Variants in CHN2 observed in about 807,000 individuals in gnomAD.
CHN2 encodes beta-chimaerin.
A neutral mutation model predicts 56.3 loss-of-function variants in CHN2; 35 were observed. The observed-to-expected ratio is 0.62, with a 90% CI of 0.47 to 0.82. The LOEUF is 0.82. CHN2 is among the 40% of genes least tolerant of loss of function. The pLI is 0.00. For synonymous variants in CHN2, 210 were observed against 212.8 expected (o/e 0.99, Z 0.12); for missense variants, 491 against 580.5 (o/e 0.85, Z 1.58).
chr7:29,346,132 G>A (rs1006715813), intron 1 of CHN2, among the ~76,000 whole-genome samples: 2 of 152,140 alleles, frequency 1.3e-5, no homozygotes, highest in Non-Finnish European at 2.9e-5. Context: ...GTGTTTTGCA[G>A]CAGTCAGGAT....
intron 1 of CHN2, among the ~76,000 whole-genome samples, chr7:29,263,386 A>G (rs954636830): frequency 1.0e-4 from 15 of 150,624 alleles, no homozygotes; most frequent in Non-Finnish European, 1.6e-4. Context: ...TACAACCTCC[A>G]CCTCCCAGCC....
chr7:29,371,551 A>G (rs1469648912), intron 3 of CHN2, among the ~76,000 whole-genome samples: 1 of 152,188 alleles, frequency 6.6e-6, no homozygotes, highest in Admixed American at 6.5e-5. Flanking sequence ...TTTATTAGTT[A>G]CCAAATGTGT....
chr7:29,458,129 C>T (rs1023565124), intron 6 of CHN2, among the ~76,000 whole-genome samples: 1 of 152,184 alleles, frequency 6.6e-6, no homozygotes, highest in Non-Finnish European at 1.5e-5. Flanking sequence ...TATAGTTTTT[C>T]ATTCCTGCTT....
upstream of CHN2, chr7:29,191,470 C>T (rs1029768264): frequency 1.3e-5 from 2 of 152,136 alleles, no homozygotes; most frequent in Non-Finnish European, 2.9e-5. Context: ...TGCTGCTAGC[C>T]CCAAGGGCAT....
chr7:29,234,768 G>A (rs534770942), intron 1 of CHN2, among the ~76,000 whole-genome samples: 3 of 152,308 alleles, frequency 2.0e-5, no homozygotes, highest in African/African-American at 7.2e-5. Context: ...GAAAGATTTT[G>A]CATCATTAGA....
chr7:29,238,352 T>A (rs1787367687), intron 1 of CHN2, among the ~76,000 whole-genome samples: 1 of 152,218 alleles, frequency 6.6e-6, no homozygotes, highest in African/African-American at 2.4e-5. Context: ...ACTTCGGGTC[T>A]GTTATGTGTA....
chr7:29,259,707 T>C (rs1183125246), intron 1 of CHN2, among the ~76,000 whole-genome samples: 1 of 152,036 alleles, frequency 6.6e-6, no homozygotes. Context: ...GAGTAGATCT[T>C]AAGTGGCCTC....
At chr7:29,194,543 G>A (rs866736279), upstream of CHN2, 1 of 187,118 alleles carries the variant, frequency 5.3e-6, no homozygotes, top group South Asian at 1.8e-4. Flanking sequence ...CCCAGGAGAG[G>A]GTGCGGGAGC....
intron 1 of CHN2, among the ~76,000 whole-genome samples, chr7:29,232,764 A>G (rs1786821906): frequency 6.6e-6 from 1 of 152,206 alleles, no homozygotes; most frequent in African/African-American, 2.4e-5. Flanking sequence ...CATTGAATGC[A>G]GGGTACCATT....
chr7:29,334,976 C>T (rs920607507), intron 1 of CHN2, among the ~76,000 whole-genome samples: 8 of 152,130 alleles, frequency 5.3e-5, no homozygotes, highest in African/African-American at 1.7e-4. Context: ...GATTCATTTC[C>T]TAAGTGTTGA....
intron 8 of CHN2, among the ~76,000 whole-genome samples, chr7:29,498,758 C>CATTTTT (rs1789587429): frequency 1.0e-5 from 1 of 100,078 alleles, no homozygotes; most frequent in African/African-American, 4.3e-5. Context: ...ACTATGCTGC[C>CATTTTT]TTTTTTTTTT....
chr7:29,212,413 T>C (rs1338062351), intron 1 of CHN2: 3 of 1,607,426 alleles, frequency 1.9e-6, no homozygotes, highest in Non-Finnish European at 2.6e-6. Flanking sequence ...TATCCATCCT[T>C]GCAAATGTCT....
intron 6 of CHN2, among the ~76,000 whole-genome samples, chr7:29,408,195 A>AT (rs201962483): frequency 0.019 from 2,869 of 151,584 alleles, 111 homozygotes; most frequent in African/African-American, 0.066. Flanking sequence ...GTATCAAAAA[A>AT]AAAAAATAAA....
intron 6 of CHN2, among the ~76,000 whole-genome samples, chr7:29,444,472 T>C (rs1783894059): frequency 1.3e-5 from 2 of 152,182 alleles, no homozygotes. Context: ...ACCTGAGCTA[T>C]TGTAGCTGAA....
At chr7:29,223,651 G>A (rs1482500615) in intron 1 of CHN2, among the ~76,000 whole-genome samples, 2 of 151,836 alleles carry the variant, frequency 1.3e-5, no homozygotes, top group Admixed American at 6.6e-5. Context: ...AAATTTAATT[G>A]TATACACTTA....
Position 29,430,811 on chromosome 7 carries a change from A to AG in CHN2, c.576+29987dup, listed in dbSNP as rs1285045091. On this transcript the variant is annotated intron_variant, in intron 6 of 12. Coordinates refer to ENST00000222792, the MANE Select transcript of CHN2 (RefSeq NM_004067.4). ...TAGCAAAAAAAAAAAAAAAAAAAAA[A>AG]GGGGACTTCTCCACTTCTCCATCCC... Among the ~76,000 whole-genome samples, 265 of 135,106 alleles carry AG rather than the reference A, an allele frequency of 2.0e-3. 2 individuals carry two copies. The highest frequency in any genetic ancestry group is 7.0e-3 in the African/African-American group (255 of 36,482). 88.6% of individuals were successfully genotyped at this position (135,106 alleles called of 152,430 possible).
At chr7:29,402,841 C>T (rs1425474280) in intron 6 of CHN2, among the ~76,000 whole-genome samples, 2 of 152,178 alleles carry the variant, frequency 1.3e-5, no homozygotes, top group African/African-American at 4.8e-5. Flanking sequence ...GAAACTTGTA[C>T]CTCAAAATAT....
intron 1 of CHN2, among the ~76,000 whole-genome samples, chr7:29,247,056 G>T (rs188753413): frequency 1.3e-5 from 2 of 152,284 alleles, no homozygotes; most frequent in South Asian, 2.1e-4. Context: ...TGTAGGGTCT[G>T]TTGAGCCTGG....
chr7:29,309,391 C>A (rs926528986), intron 1 of CHN2, among the ~76,000 whole-genome samples: 2 of 152,096 alleles, frequency 1.3e-5, no homozygotes, highest in African/African-American at 4.8e-5. Flanking sequence ...CCTAACTCTT[C>A]CCCCACCCTT....
Sources: gnomAD v4.1 joint callset for allele counts (sites outside exome capture counted in the v4.1 genomes callset) on GRCh38, gnomAD v4.1.1 for gene constraint, MANE v1.5 for transcripts, NCBI Gene and HGNC (gene_info 2026-07-23, HGNC 2026-07-21) for gene names.